The following CPAMD8 variants were observed in gnomAD, a reference collection of about 807,000 sequenced individuals.
The protein encoded by CPAMD8 is C3 and PZP like alpha-2-macroglobulin domain containing 8.
Under a neutral mutation model 224.7 loss-of-function variants are expected in CPAMD8, and 146 were observed. The observed-to-expected ratio is 0.65, with a 90% confidence interval of 0.57 to 0.75. The LOEUF is 0.75. CPAMD8 is among the 30% of genes least tolerant of loss of function. The pLI is 0.00. For missense variants in CPAMD8, 2,301 were observed against 2,537.5 expected, an observed-to-expected ratio of 0.91 and a Z score of 2.00; for synonymous variants, 966 against 1,044.6, an observed-to-expected ratio of 0.92 and a Z score of 1.45.
chr19:17,022,507 TC>T (rs1261444277), intron 1 of CPAMD8, among the ~76,000 whole-genome samples: 1 of 151,592 alleles, frequency 6.6e-6, no homozygotes, highest in Non-Finnish European at 1.5e-5. Flanking sequence ...TTTTTTTTTT[TC>T]TTTTCCTGGA....
At chr19:16,904,176 A>AGGGCCCCCCCCCCCCCCC in intron 32 of CPAMD8, 50 bp downstream of exon 32, 5 of 937,334 alleles carry the variant, frequency 5.3e-6, no homozygotes, top group Non-Finnish European at 6.7e-6. Context: ...GACTGCAGGG[A>AGGGCCCCCCCCCCCCCCC]CCCCACCCAC....
chr19:16,923,823 G>A (rs1020368330), intron 26 of CPAMD8, among the ~76,000 whole-genome samples: 1 of 152,150 alleles, frequency 6.6e-6, no homozygotes, highest in Admixed American at 6.5e-5. Context: ...GGGCATGGTG[G>A]TGCACACCTG....
intron 7 of CPAMD8, among the ~76,000 whole-genome samples, chr19:17,006,223 A>G (rs1216092587): frequency 6.6e-6 from 1 of 152,076 alleles, no homozygotes; most frequent in Admixed American, 6.6e-5. Flanking sequence ...CAGCCTCCCA[A>G]AGTGCTGGCA....
At chr19:16,901,914 G>A (rs2052273402) in intron 35 of CPAMD8, among the ~76,000 whole-genome samples, 1 of 152,120 alleles carries the variant, frequency 6.6e-6, no homozygotes, top group South Asian at 2.1e-4. Context: ...GGACACATTC[G>A]GGCTGAGAGT....
intron 17 of CPAMD8, among the ~76,000 whole-genome samples, chr19:16,972,466 T>C (rs1568546040): frequency 6.6e-6 from 1 of 152,086 alleles, no homozygotes; most frequent in East Asian, 1.9e-4. Context: ...GGAGTCTCAC[T>C]CTGTCGCCCA....
chr19:16,892,997 A>G lies in CPAMD8; in HGVS notation c.*111T>C. On this transcript the variant is annotated 3_prime_UTR_variant, in exon 42 of 42. Transcript: ENST00000443236. Reference sequence around the variant, plus strand: ...GTATTCTTGTCAATATCCTGGAGTGATCATTTACCAGAGTTTTCTGAGATG... The same window carrying G: ...GTATTCTTGTCAATATCCTGGAGTGGTCATTTACCAGAGTTTTCTGAGATG... The G allele has an allele frequency of 1.3e-6, 1 of 772,004 alleles. No individual in the cohort carries two copies. The highest frequency in any genetic ancestry group is 2.4e-6 in the Non-Finnish European group (1 of 415,090). The allele number at this position is 772,004 out of a possible 1,614,324, so 47.8% of individuals were successfully genotyped here.
chr19:16,984,313 CAAA>C (rs34428169), intron 13 of CPAMD8, among the ~76,000 whole-genome samples: 32 of 85,216 alleles, frequency 3.8e-4, no homozygotes, highest in African/African-American at 1.3e-3. Context: ...GGTCCTATCT[CAAA>C]AAAAAAAAAA....
In CPAMD8 at chr19:16,961,794, A is replaced by G. The variant is rs567025537; in HGVS notation, c.2214-3879T>C. On this transcript the variant is annotated intron_variant, in intron 18 of 41. Transcript: ENST00000443236. ...CGACAAACACCTCATATAGGCGGGT[A>G]CCCCTCTGAGACGAAGCTTCCAGAG... Among the ~76,000 whole-genome samples, 10 of 152,272 alleles carry G rather than the reference A, an allele frequency of 6.6e-5. No individual in the cohort carries two copies. The East Asian group carries it at 1.9e-3, about 29-fold the overall frequency.
rs1438948413 is a variant in CPAMD8 at position 16,896,321 on chromosome 19, G to A, written c.5281C>T (p.Arg1761Trp). 1 of 1,606,150 alleles carries A rather than the reference G, an allele frequency of 6.2e-7. No homozygotes were observed. The highest frequency in any genetic ancestry group is 1.3e-5 in the African/African-American group (1 of 74,874). Reference protein sequence around the residue: ...APPSCCALEQRLPASSSSTYG... With the variant: ...APPSCCALEQWLPASSSSTYG... ...GTGGAGGACGACGAGGCCGGCAGCC[G>A]CTGCTCTGGAAGGAAGGGGGCCTCG... The change falls in exon 41 of 42, where the codon CGG (arginine) becomes TGG (tryptophan). Residue 1761 changes from arginine to tryptophan, a missense_variant. This residue lies in a region of CPAMD8 where 1,709 missense variants were observed against 1,753.2 expected (regional missense o/e 0.97). Transcript: ENST00000443236.
At chr19:16,928,764 T>C (rs1453153712) in intron 24 of CPAMD8, among the ~76,000 whole-genome samples, 178 bp downstream of exon 24, 1 of 147,798 alleles carries the variant, frequency 6.8e-6, no homozygotes, top group Non-Finnish European at 1.5e-5. Flanking sequence ...CAGCTCTTGC[T>C]ACATGTTTTT....
At chr19:16,982,334 G>A (rs781066904) in intron 13 of CPAMD8, among the ~76,000 whole-genome samples, 13 of 151,906 alleles carry the variant, frequency 8.6e-5, no homozygotes, top group Non-Finnish European at 1.5e-4. Flanking sequence ...TCGATGTGCG[G>A]TGAGTCATGA....
intron 9 of CPAMD8, among the ~76,000 whole-genome samples, chr19:17,001,563 G>A (rs1599882267): frequency 1.3e-5 from 2 of 152,126 alleles, no homozygotes; most frequent in East Asian, 1.9e-4. Flanking sequence ...ATACACAGCG[G>A]GAGAGGGGCA....
chr19:16,927,772 C>A (rs1157922198), intron 25 of CPAMD8, among the ~76,000 whole-genome samples: 1 of 152,240 alleles, frequency 6.6e-6, no homozygotes, highest in African/African-American at 2.4e-5. Context: ...TGCCATCTCA[C>A]CTGGACTAGG....
chr19:17,018,431 T>C (rs11880892), intron 3 of CPAMD8, among the ~76,000 whole-genome samples: 1,907 of 152,280 alleles, frequency 0.013, 37 homozygotes, highest in African/African-American at 0.042. Flanking sequence ...GGTACTGCTG[T>C]GTATTCCAGG....
At chr19:16,986,548 G>A (rs1482740047) in intron 13 of CPAMD8, among the ~76,000 whole-genome samples, 1 of 152,104 alleles carries the variant, frequency 6.6e-6, no homozygotes, top group East Asian at 1.9e-4. Flanking sequence ...GATCCTGTCT[G>A]ACTTCTCATT....
chr19:16,913,126 C>T (rs1026166162), intron 29 of CPAMD8, among the ~76,000 whole-genome samples: 5 of 152,120 alleles, frequency 3.3e-5, no homozygotes, highest in Non-Finnish European at 7.4e-5. Context: ...CATTCCAACT[C>T]GAGTGGGGGC....
chr19:16,893,385 C>A, intron 41 of CPAMD8, 46 bp from the exon 42 acceptor site: 1 of 1,331,018 alleles, frequency 7.5e-7, no homozygotes, highest in South Asian at 1.4e-5. Flanking sequence ...AGCAAGTGGG[C>A]ACGGGGCCTC....
intron 7 of CPAMD8, among the ~76,000 whole-genome samples, chr19:17,006,126 C>A (rs2056485871): frequency 6.6e-6 from 1 of 152,070 alleles, no homozygotes; most frequent in South Asian, 2.1e-4. Context: ...CCATGTCCAG[C>A]TAATTTTGTA....
intron 7 of CPAMD8, among the ~76,000 whole-genome samples, chr19:17,006,973 T>C (rs112768508): frequency 0.03 from 4,610 of 152,134 alleles, 88 homozygotes; most frequent in South Asian, 0.066. Context: ...TAGCTGCTGA[T>C]ACAAAGACAG....
Sources: gnomAD v4.1 joint callset for allele counts (sites outside exome capture counted in the v4.1 genomes callset) on GRCh38, gnomAD v4.1.1 for gene constraint, gnomAD v4.1.1 regional missense constraint, MANE v1.5 for transcripts, NCBI Gene and HGNC (gene_info 2026-07-23, HGNC 2026-07-21) for gene names.